The following MTHFD2L variants were observed in gnomAD, a reference collection of about 807,000 sequenced individuals.
MTHFD2L encodes the protein methylenetetrahydrofolate dehydrogenase (NADP+ dependent) 2 like.
A neutral mutation model predicts 34.9 loss-of-function variants in MTHFD2L; 29 were observed. The observed-to-expected ratio is 0.83, with a 90% CI of 0.62 to 1.13. The LOEUF is 1.13. Ranked by LOEUF, MTHFD2L falls within the 50% of genes most tolerant of loss-of-function variation. The probability of loss-of-function intolerance (pLI) is 0.00; values close to 1 mark genes in which losing one functional copy is unlikely to be tolerated. For missense variants in MTHFD2L, 481 were observed against 446.5 expected (o/e 1.08, Z -0.70); for synonymous variants, 167 against 155.7 (o/e 1.07, Z -0.54).
At position 74,302,091 on chromosome 4, in the gene MTHFD2L, A is replaced by G. The variant is rs1442948786; in HGVS notation, c.*282A>G. The stretch of plus-strand genomic sequence containing the variant: ...AACATTAAAACAATAAAGGGCTCAT[A>G]ATAAATAAATATATTTTTGACACAA... On this transcript the variant is annotated 3_prime_UTR_variant, in exon 8 of 8. Transcript: ENST00000325278. 1 of 228,470 alleles carries G rather than the reference A, an allele frequency of 4.4e-6. No individual in the cohort carries two copies. Among genetic ancestry groups the G allele is most frequent in the Non-Finnish European group, 8.4e-6 (1 of 119,100 alleles). 14.2% of individuals were successfully genotyped at this position (228,470 alleles called of 1,614,324 possible).
At chr4:74,275,120 C>T (rs1746447915) in intron 6 of MTHFD2L, among the ~76,000 whole-genome samples, 1 of 152,042 alleles carries the variant, frequency 6.6e-6, no homozygotes, top group African/African-American at 2.4e-5. Context: ...CAACAGGCCC[C>T]AATGTCTGTT....
intron 1 of MTHFD2L, among the ~76,000 whole-genome samples, chr4:74,148,476 C>T (rs1467502028): frequency 6.6e-6 from 1 of 151,682 alleles, no homozygotes. Flanking sequence ...CAACCTCTAC[C>T]TCCCAGGTTC....
upstream of MTHFD2L, chr4:74,123,560 A>ATGAG (rs1294207044): frequency 2.6e-5 from 4 of 152,184 alleles, no homozygotes; most frequent in African/African-American, 9.6e-5. Flanking sequence ...TGATGTTGTC[A>ATGAG]TGAGTACAAA....
intron 7 of MTHFD2L, among the ~76,000 whole-genome samples, chr4:74,289,899 A>G (rs905017610): frequency 2.6e-5 from 4 of 152,180 alleles, no homozygotes; most frequent in African/African-American, 4.8e-5. Flanking sequence ...TTACTCAAGT[A>G]TGTGTATTTA....
At chr4:74,248,824 G>C (rs1742876375) in intron 6 of MTHFD2L, among the ~76,000 whole-genome samples, 1 of 151,952 alleles carries the variant, frequency 6.6e-6, no homozygotes, top group Non-Finnish European at 1.5e-5. Flanking sequence ...GTTCTAATTT[G>C]ATTGCACTGT....
chr4:74,173,057 C>T (rs192574971), intron 1 of MTHFD2L, among the ~76,000 whole-genome samples: 91 of 152,280 alleles, frequency 6.0e-4, no homozygotes, highest in African/African-American at 2.1e-3. Flanking sequence ...CTGCTTCTTA[C>T]TCTTTCCCTT....
At chr4:74,205,555 T>C (rs1272446556) in intron 5 of MTHFD2L, among the ~76,000 whole-genome samples, 1 of 152,210 alleles carries the variant, frequency 6.6e-6, no homozygotes, top group African/African-American at 2.4e-5. Flanking sequence ...GTTTTGTTAT[T>C]AAGGACATGG....
At chr4:74,150,954 A>G (rs1410709282) in intron 1 of MTHFD2L, among the ~76,000 whole-genome samples, 4 of 152,094 alleles carry the variant, frequency 2.6e-5, no homozygotes, top group African/African-American at 9.6e-5. Flanking sequence ...TCATTATCCC[A>G]TATTCACTGA....
At chr4:74,290,153 T>A (rs1231152443) in intron 7 of MTHFD2L, among the ~76,000 whole-genome samples, 4 of 152,194 alleles carry the variant, frequency 2.6e-5, no homozygotes, top group Non-Finnish European at 5.9e-5. Flanking sequence ...TAAAGGGACC[T>A]TTTAATTTGA....
chr4:74,246,560 A>G (rs943330599), intron 6 of MTHFD2L, among the ~76,000 whole-genome samples: 11 of 152,196 alleles, frequency 7.2e-5, no homozygotes, highest in African/African-American at 1.4e-4. Context: ...GCCCATGCCT[A>G]TGTCCTGAAT....
chr4:74,180,858 T>G (rs929664460), intron 3 of MTHFD2L: 1 of 211,910 alleles, frequency 4.7e-6, no homozygotes, highest in East Asian at 1.3e-4. Flanking sequence ...AAGTGGTCAC[T>G]TTGTCGAGGT....
chr4:74,129,860 G>A (rs1722345681), intron 1 of MTHFD2L, among the ~76,000 whole-genome samples: 1 of 151,924 alleles, frequency 6.6e-6, no homozygotes, highest in Admixed American at 6.6e-5. Flanking sequence ...AAGAAGAAAA[G>A]AAAGAAGAAT....
chr4:74,218,198 G>A (rs1022997648), intron 5 of MTHFD2L, among the ~76,000 whole-genome samples: 3 of 151,866 alleles, frequency 2.0e-5, no homozygotes, highest in African/African-American at 7.3e-5. Context: ...ATTTTCCAGA[G>A]ACAATAGTTA....
At chr4:74,297,694 G>T (rs918420356) in intron 7 of MTHFD2L, among the ~76,000 whole-genome samples, 1 of 152,092 alleles carries the variant, frequency 6.6e-6, no homozygotes, top group Non-Finnish European at 1.5e-5. Context: ...GTGATGTAAT[G>T]CTTGTTACCT....
chr4:74,126,564 T>G (rs945763316), intron 1 of MTHFD2L, among the ~76,000 whole-genome samples: 2 of 151,972 alleles, frequency 1.3e-5, no homozygotes, highest in East Asian at 3.9e-4. Context: ...CTCTGGTGTG[T>G]GTGTGTGTGG....
chr4:74,284,159 A>G (rs1747847421), intron 7 of MTHFD2L, among the ~76,000 whole-genome samples: 1 of 152,198 alleles, frequency 6.6e-6, no homozygotes, highest in Non-Finnish European at 1.5e-5. Context: ...AGTAGGTAAC[A>G]TTGATGGGAA....
chr4:74,138,378 C>T (rs940505444), intron 1 of MTHFD2L, among the ~76,000 whole-genome samples: 8 of 152,164 alleles, frequency 5.3e-5, no homozygotes, highest in African/African-American at 1.9e-4. Flanking sequence ...CCCAATACGG[C>T]AGCAAACCTT....
chr4:74,237,680 A>G (rs1159610399), intron 6 of MTHFD2L, among the ~76,000 whole-genome samples: 1 of 152,168 alleles, frequency 6.6e-6, no homozygotes, highest in East Asian at 1.9e-4. Flanking sequence ...AAGGTAAGGA[A>G]GCTCTTCATA....
At chr4:74,198,374 G>A (rs780430816) in intron 3 of MTHFD2L, among the ~76,000 whole-genome samples, 6 of 152,154 alleles carry the variant, frequency 3.9e-5, no homozygotes, top group Non-Finnish European at 7.4e-5. Flanking sequence ...AAGAGTCCTT[G>A]TTGAGTTCTT....
Sources: allele counts gnomAD v4.1 joint callset (sites outside exome capture counted in the v4.1 genomes callset), GRCh38; gene constraint gnomAD v4.1.1; transcripts MANE v1.5; gene names NCBI Gene and HGNC (gene_info 2026-07-23, HGNC 2026-07-21).